FKBP5: variants seen among roughly 807,000 people sequenced by gnomAD.
FKBP5 encodes the protein FKBP prolyl isomerase 5, also known as peptidyl-prolyl cis-trans isomerase FKBP5.
In FKBP5, 23 loss-of-function variants were observed where a neutral mutation model predicts 50.5. The ratio of observed to expected loss-of-function variants is 0.46; its 90% CI spans 0.33 to 0.65. The LOEUF is 0.65. Among genes scored for constraint, FKBP5 ranks in the 30% least tolerant of loss-of-function variants. The pLI, the probability that FKBP5 is intolerant of heterozygous loss-of-function variation, is 0.02. For missense variants in FKBP5, 411 were observed against 553.1 expected (o/e 0.74, Z 2.58); for synonymous variants, 176 against 190.6 (o/e 0.92, Z 0.63).
intron 5 of FKBP5, among the ~76,000 whole-genome samples, chr6:35,609,234 T>G (rs1763420897): frequency 6.6e-6 from 1 of 152,204 alleles, no homozygotes; most frequent in Admixed American, 6.5e-5. Flanking sequence ...TGACTTATTT[T>G]TTTGTTTTGG....
At chr6:35,605,844 G>C (rs1324799421) in intron 5 of FKBP5, among the ~76,000 whole-genome samples, 1 of 152,120 alleles carries the variant, frequency 6.6e-6, no homozygotes, top group African/African-American at 2.4e-5. Flanking sequence ...TGAGCAATCA[G>C]GCAAGAGAAA....
intron 7 of FKBP5, among the ~76,000 whole-genome samples, chr6:35,588,481 A>G (rs1356996018): frequency 3.9e-5 from 6 of 152,230 alleles, no homozygotes; most frequent in East Asian, 1.9e-4. Context: ...CACCTAGTTA[A>G]TAAGTCTCTT....
chr6:35,672,898 C>T (rs1383890300), intron 1 of FKBP5, among the ~76,000 whole-genome samples: 4 of 151,470 alleles, frequency 2.6e-5, no homozygotes, highest in Non-Finnish European at 5.9e-5. Context: ...CCACTGCACT[C>T]CAGCCTGGGC....
chr6:35,637,054 A>G lies in FKBP5; in HGVS notation c.210T>C (p.Ser70=). The change falls in exon 3 of 11, where the codon AGT becomes AGC. Residue 70 remains serine (S), a synonymous_variant. Coordinates refer to ENST00000357266, the MANE Select transcript of FKBP5 (RefSeq NM_004117.4). ...AGACAAATGGTTCATTTCTATCATG[A>G]CTGGAATCAAACTTCTTTCCATTTG... ...KLSNGKKFDS[S]HDRNEPFVFS... is the part of the protein sequence containing the mutation. 6.2e-7 allele frequency: 1 copy of G among 1,609,162 alleles called. No individual in the cohort carries two copies. Among genetic ancestry groups the G allele is most frequent in the Non-Finnish European group, 8.5e-7 (1 of 1,179,038 alleles).
intron 1 of FKBP5, among the ~76,000 whole-genome samples, chr6:35,683,725 A>G (rs543934908): frequency 5.1e-5 from 7 of 138,526 alleles, no homozygotes; most frequent in Non-Finnish European, 1.1e-4. Context: ...GGCCTGGCCT[A>G]TATTTTTAAT....
chr6:35,648,129 AATGGTG>A (rs777481243), intron 1 of FKBP5, among the ~76,000 whole-genome samples: 8 of 152,206 alleles, frequency 5.3e-5, no homozygotes, highest in Non-Finnish European at 1.2e-4. Context: ...GGGCCAGGGT[AATGGTG>A]TTTTCAAAAA....
chr6:35,673,879 G>A (rs1337923352), intron 1 of FKBP5, among the ~76,000 whole-genome samples: 1 of 152,152 alleles, frequency 6.6e-6, no homozygotes, highest in Non-Finnish European at 1.5e-5. Flanking sequence ...TGAGATGAGA[G>A]TATAAAACAG....
rs143572309 is a variant in FKBP5 at position 35,633,416 on chromosome 6, G to A, written c.250+3598C>T. On this transcript the variant is annotated intron_variant, in intron 3 of 10. Transcript: ENST00000357266. ...AAATTAGCCAAGCGTGGTGGGGCGC[G>A]CCTGAAGTCCCAGATACTGGGGAGG... 4.0e-3 allele frequency among the ~76,000 whole-genome samples: 608 copies of A among 151,666 alleles called. 5 individuals are homozygous for A. Among genetic ancestry groups the A allele is most frequent in the African/African-American group, 0.012 (480 of 41,324 alleles).
chr6:35,655,960 A>G (rs1185144802), intron 1 of FKBP5, among the ~76,000 whole-genome samples: 3 of 152,206 alleles, frequency 2.0e-5, no homozygotes, highest in Non-Finnish European at 4.4e-5. Context: ...GACAGTCAAG[A>G]ACAAAGGACC....
chr6:35,579,183 C>T (rs1762340396), intron 9 of FKBP5, among the ~76,000 whole-genome samples: 1 of 151,486 alleles, frequency 6.6e-6, no homozygotes, highest in Non-Finnish European at 1.5e-5. Flanking sequence ...CTCTCTCTCT[C>T]CGCTCTGTAT....
upstream of FKBP5, among the ~76,000 whole-genome samples, chr6:35,692,707 C>A (rs1457775563): frequency 2.0e-5 from 3 of 151,320 alleles, no homozygotes; most frequent in Non-Finnish European, 4.4e-5. Context: ...ATGAGAATTG[C>A]CTGAACCCAG....
chr6:35,668,753 A>C (rs967414320), intron 1 of FKBP5, among the ~76,000 whole-genome samples: 1 of 152,146 alleles, frequency 6.6e-6, no homozygotes, highest in Admixed American at 6.5e-5. Flanking sequence ...GCACAACAAT[A>C]AAACAACAAA....
rs1485228874 is a variant in FKBP5 at position 35,701,573 on chromosome 6, C to A, written c.-20+18755G>T. Among the ~76,000 whole-genome samples, 8 of 151,564 alleles carry A rather than the reference C, an allele frequency of 5.3e-5. No individual in the cohort carries two copies. The East Asian group carries it at 1.6e-3, about 30-fold the overall frequency. The stretch of plus-strand genomic sequence containing the variant: ...GTTTGTTTTTTGAGACAGGGTCTCA[C>A]TCTGTTGCAAGGCTGGAGTGCAGTG... On this transcript the variant is annotated intron_variant, in intron 2 of 11. Transcript: ENST00000536438.
chr6:35,716,400 A>T (rs1053331018), intron 2 of FKBP5, among the ~76,000 whole-genome samples: 133 of 152,204 alleles, frequency 8.7e-4, no homozygotes, highest in African/African-American at 2.7e-3. Flanking sequence ...GACAACAGGA[A>T]GATCAGGCAG....
chr6:35,717,478 TC>T (rs1386846594), intron 2 of FKBP5, among the ~76,000 whole-genome samples: 1 of 152,264 alleles, frequency 6.6e-6, no homozygotes, highest in Non-Finnish European at 1.5e-5. Flanking sequence ...CACGCATGTG[TC>T]CACATCTGTG....
chr6:35,576,357 G>A (rs943848052), intron 10 of FKBP5, among the ~76,000 whole-genome samples: 1 of 152,066 alleles, frequency 6.6e-6, no homozygotes, highest in Admixed American at 6.5e-5. Flanking sequence ...AAAAAATCCT[G>A]ATGGGTTTAC....
intron 1 of FKBP5, among the ~76,000 whole-genome samples, chr6:35,668,448 G>T (rs190572453): frequency 6.6e-6 from 1 of 152,180 alleles, no homozygotes; most frequent in Non-Finnish European, 1.5e-5. Flanking sequence ...TAATTTTAAT[G>T]AAACTATTAA....
At chr6:35,581,557 T>G in intron 8 of FKBP5, 1 of 984,634 alleles carries the variant, frequency 1.0e-6, no homozygotes, top group Non-Finnish European at 1.2e-6. Context: ...GCCACTGCAC[T>G]CCAGCCTGGG....
rs189716670 is a variant in FKBP5 at position 35,599,015 on chromosome 6, A to G, written c.509-1611T>C. On this transcript the variant is annotated intron_variant, in intron 5 of 10. Coordinates refer to ENST00000357266, the MANE Select transcript of FKBP5 (RefSeq NM_004117.4). ...ATAAATAAATAAAAATAAAAAAGAA[A>G]GAAAATCCTTTATTCCTACTTCTGT... 6.0e-3 allele frequency among the ~76,000 whole-genome samples: 916 copies of G among 151,980 alleles called. 9 individuals carry two copies. Among genetic ancestry groups the G allele is most frequent in the African/African-American group, 0.02 (847 of 41,326 alleles).
Sources: gnomAD v4.1 joint callset for allele counts (sites outside exome capture counted in the v4.1 genomes callset) on GRCh38, gnomAD v4.1.1 for gene constraint, MANE v1.5 for transcripts, NCBI Gene and HGNC (gene_info 2026-07-23, HGNC 2026-07-21) for gene names.